SLC22A2: variants seen among roughly 807,000 people sequenced by gnomAD.
SLC22A2 encodes solute carrier family 22 member 2.
SLC22A2 carries 46 observed loss-of-function variants against 60.5 expected under a neutral mutation model. The observed-to-expected ratio is 0.76, with a 90% CI of 0.60 to 0.97. The LOEUF is 0.97. Ranked by LOEUF, SLC22A2 falls within the 50% of genes least tolerant of loss-of-function variation. The pLI, the probability that SLC22A2 is intolerant of heterozygous loss-of-function variation, is 0.00. For missense variants in SLC22A2, 701 were observed against 706.6 expected (o/e 0.99, Z 0.09); for synonymous variants, 303 against 267.0 (o/e 1.13, Z -1.31).
chr6:160,256,549 G>T, intron 2 of SLC22A2, 65 bp downstream of exon 2: 3 of 1,046,564 alleles, frequency 2.9e-6, no homozygotes, highest in Non-Finnish European at 4.5e-6. Context: ...GCAGGGGCAG[G>T]TGCATCCAAG....
At chr6:160,257,997 A>C in intron 1 of SLC22A2, 5 of 235,206 alleles carry the variant, frequency 2.1e-5, no homozygotes, top group Non-Finnish European at 3.3e-5. Context: ...GGATGGAGGA[A>C]TAGAGGGGGA....
chr6:160,221,453 A>G (rs574128201), intron 10 of SLC22A2, among the ~76,000 whole-genome samples: 1 of 152,338 alleles, frequency 6.6e-6, no homozygotes, highest in Middle Eastern at 3.4e-3. Flanking sequence ...TCTCATTTGT[A>G]GCATTTTTAT....
At chr6:160,241,330 A>AAGCCAC in intron 9 of SLC22A2, 144 bp downstream of exon 9, 1 of 585,146 alleles carries the variant, frequency 1.7e-6, no homozygotes, top group South Asian at 2.2e-5. Flanking sequence ...GGAAGAACGC[A>AAGCCAC]AGCCACAGAC....
At chr6:160,243,370 A>G (rs1055823069) in intron 7 of SLC22A2, among the ~76,000 whole-genome samples, 1 of 152,072 alleles carries the variant, frequency 6.6e-6, no homozygotes, top group Non-Finnish European at 1.5e-5. Context: ...GTTACATCAC[A>G]TCAAGGAAAA....
At chr6:160,239,112 C>T (rs1013012694) in intron 9 of SLC22A2, among the ~76,000 whole-genome samples, 3 of 152,164 alleles carry the variant, frequency 2.0e-5, no homozygotes, top group Non-Finnish European at 2.9e-5. Context: ...GACCTCTGGT[C>T]ATCCTCACTA....
rs113617781 is a variant in SLC22A2 at position 160,240,621 on chromosome 6, C to T, written c.1501+853G>A. The stretch of plus-strand genomic sequence containing the variant: ...GGTGTTGCATGACTCAACCTCCAGG[C>T]TTAGTCTTCCCTTTTGCATAAGGAT... On this transcript the variant is annotated intron_variant, in intron 9 of 10. Transcript: ENST00000366953. Among the ~76,000 whole-genome samples the T allele has an allele frequency of 7.1e-4, 108 of 152,306 alleles. 2 individuals are homozygous for T. The highest frequency in any genetic ancestry group is 1.9e-3 in the Admixed American group (29 of 15,298).
At chr6:160,220,131 G>T (rs1445238464) in intron 10 of SLC22A2, among the ~76,000 whole-genome samples, 1 of 152,182 alleles carries the variant, frequency 6.6e-6, no homozygotes, top group East Asian at 1.9e-4. Flanking sequence ...TTTAAAAATT[G>T]GAGTCAATCC....
chr6:160,247,139 C>A, intron 5 of SLC22A2, 45 bp downstream of exon 5: 1 of 1,106,292 alleles, frequency 9.0e-7, no homozygotes, highest in Non-Finnish European at 1.4e-6. Flanking sequence ...ACCAGAGCCT[C>A]CCTTTTCTCC....
intron 2 of SLC22A2, among the ~76,000 whole-genome samples, chr6:160,254,186 G>A (rs1403077254): frequency 6.6e-6 from 1 of 152,152 alleles, no homozygotes; most frequent in Non-Finnish European, 1.5e-5. Flanking sequence ...GCTGAGGCAG[G>A]AGAATTGCTT....
At chr6:160,233,906 T>G (rs1332577037) in intron 9 of SLC22A2, among the ~76,000 whole-genome samples, 2 of 151,238 alleles carry the variant, frequency 1.3e-5, no homozygotes, top group African/African-American at 4.9e-5. Flanking sequence ...ATTTTTCTTA[T>G]TAATATAAGG....
Position 160,245,421 on chromosome 6 carries a change from G to T in SLC22A2, c.1064+18C>A. On this transcript the variant is annotated intron_variant, in intron 6 of 10. Coordinates refer to ENST00000366953, the MANE Select transcript of SLC22A2 (RefSeq NM_003058.4). ...TAAAACAATTTGGAGGCATTTCAAA[G>T]TGAAAAATATTCCTTACCAGTTGTA... 7.2e-7 allele frequency: 1 copy of T among 1,382,474 alleles called. No homozygotes were observed. The highest frequency in any genetic ancestry group is 1.0e-6 in the Non-Finnish European group (1 of 986,850). The allele number at this position is 1,382,474 out of a possible 1,614,324, so 85.6% of individuals were successfully genotyped here.
intron 9 of SLC22A2, among the ~76,000 whole-genome samples, chr6:160,236,745 T>TA (rs1368662006): frequency 1.3e-5 from 2 of 152,114 alleles, no homozygotes; most frequent in East Asian, 1.9e-4. Flanking sequence ...CTGTGGTAAG[T>TA]AAAAAATGTC....
At position 160,246,574 on chromosome 6, in the gene SLC22A2, C is replaced by T. The variant is rs149262397; in HGVS notation, c.957+610G>A. Among the ~76,000 whole-genome samples, 651 of 152,158 alleles carry T rather than the reference C, an allele frequency of 4.3e-3. 6 individuals carry two copies. The highest frequency in any genetic ancestry group is 0.015 in the African/African-American group (626 of 41,542). On this transcript the variant is annotated intron_variant, in intron 5 of 10. Transcript: ENST00000366953. ...TCAGCCTAGCCAACATGGCGAAACT[C>T]TGTCTCTACTAAAAACACAAAAATT... is the stretch of plus-strand genomic sequence containing the variant.
In SLC22A2 at chr6:160,241,469, C is replaced by T. The variant is rs747133964; in HGVS notation, c.1501+5G>A. On this transcript the variant is annotated splice_donor_5th_base_variant and intron_variant, in intron 9 of 10. Coordinates refer to ENST00000366953, the MANE Select transcript of SLC22A2 (RefSeq NM_003058.4). ...CACTTAAAGACATCTGTGAAGATTT[C>T]TTACCGAAAACCATCAGCGGGAGCT... 5.0e-6 allele frequency: 8 copies of T among 1,595,756 alleles called. No individual in the cohort carries two copies. The highest frequency in any genetic ancestry group is 3.3e-4 in the Middle Eastern group (2 of 6,016).
chr6:160,245,581 T>G, intron 5 of SLC22A2, 36 bp from the exon 6 acceptor site: 1 of 1,325,564 alleles, frequency 7.5e-7, no homozygotes, highest in Non-Finnish European at 1.1e-6. Context: ...CTTTGTATAT[T>G]TAATGCTAGT....
chr6:160,245,909 C>T (rs1159360501), intron 5 of SLC22A2, among the ~76,000 whole-genome samples: 41 of 148,856 alleles, frequency 2.8e-4, no homozygotes, highest in Non-Finnish European at 4.3e-4. Flanking sequence ...GCTCTATTGC[C>T]CAGGCTGGAG....
chr6:160,218,919 C>A (rs1348029427), intron 10 of SLC22A2, among the ~76,000 whole-genome samples: 1 of 152,074 alleles, frequency 6.6e-6, no homozygotes, highest in Non-Finnish European at 1.5e-5. Flanking sequence ...ATAACAGCAG[C>A]AGCAGCAACA....
chr6:160,238,122 C>T (rs1253866873), intron 9 of SLC22A2, among the ~76,000 whole-genome samples: 1 of 152,368 alleles, frequency 6.6e-6, no homozygotes, highest in Non-Finnish European at 1.5e-5. Context: ...AATAAACTTG[C>T]TTTCACATCA....
chr6:160,228,184 G>T (rs377645855), intron 9 of SLC22A2, among the ~76,000 whole-genome samples: 3 of 152,182 alleles, frequency 2.0e-5, no homozygotes, highest in South Asian at 4.1e-4. Flanking sequence ...CTCTCTTGGG[G>T]TCTGGATCGG....
Sources: gnomAD v4.1 joint callset for allele counts (sites outside exome capture counted in the v4.1 genomes callset) on GRCh38, gnomAD v4.1.1 for gene constraint, MANE v1.5 for transcripts, NCBI Gene and HGNC (gene_info 2026-07-23, HGNC 2026-07-21) for gene names.